USP20: variants seen among roughly 807,000 people sequenced by gnomAD.
USP20 encodes ubiquitin specific peptidase 20.
USP20 carries 80 observed loss-of-function variants against 124.2 expected under a neutral mutation model. The observed-to-expected ratio is 0.64, with a 90% CI of 0.54 to 0.78. The LOEUF is 0.78. Ranked by LOEUF, USP20 falls within the 30% of genes least tolerant of loss-of-function variation. The pLI, the probability that USP20 is intolerant of heterozygous loss-of-function variation, is 0.00. For synonymous variants in USP20, 481 were observed against 512.3 expected (o/e 0.94, Z 0.83); for missense variants, 1,043 against 1,244.4 (o/e 0.84, Z 2.44).
intron 4 of USP20, among the ~76,000 whole-genome samples, chr9:129,857,697 A>G (rs2134600): frequency 0.88 from 133,492 of 152,208 alleles, 58,932 homozygotes; most frequent in East Asian, 1. Context: ...ACAGGTCCCA[A>G]TAACTGACCC....
At position 129,865,346 on chromosome 9, in the gene USP20, T is replaced by C; in HGVS notation, c.655T>C (p.Leu219=). 2 of 1,614,212 alleles carry C rather than the reference T, an allele frequency of 1.2e-6. No individual in the cohort carries two copies. Among genetic ancestry groups the C allele is most frequent in the African/African-American group, 1.3e-5 (1 of 75,064 alleles). The change falls in exon 10 of 26, where the codon TTG becomes CTG. Residue 219 remains leucine (L), a synonymous_variant. Coordinates refer to ENST00000372429, the MANE Select transcript of USP20 (RefSeq NM_001110303.4). ...VPTSLSHGIK[L]VNPMFRGYAQ... Reference sequence around the variant, plus strand: ...CACCAGTCTGTCTCATGGGATCAAGTTGGTCAACCCAATGTTCCGAGGCTA... The same window carrying C: ...CACCAGTCTGTCTCATGGGATCAAGCTGGTCAACCCAATGTTCCGAGGCTA...
At chr9:129,868,506 G>A (rs566743611) in intron 11 of USP20, 57 bp downstream of exon 11, 46 of 1,546,636 alleles carry the variant, frequency 3.0e-5, no homozygotes, top group South Asian at 9.6e-5. Context: ...AGTACCTACC[G>A]GGTGCTGAGC....
chr9:129,870,368 C>A, intron 14 of USP20, 85 bp from the exon 15 acceptor site: 1 of 1,442,724 alleles, frequency 6.9e-7, no homozygotes, highest in South Asian at 1.2e-5. Flanking sequence ...GCGGCTCAGG[C>A]CTGACAGACC....
In USP20 at chr9:129,881,732, C is replaced by T. The variant is rs768381045; in HGVS notation, c.*1282C>T. ...CCAGAGGCCGCACGCTGCACTGTCG[C>T]GACGCAGAGAGGCTTCTGTGCAGGC... On this transcript the variant is annotated 3_prime_UTR_variant, in exon 26 of 26. Coordinates refer to ENST00000372429, the MANE Select transcript of USP20 (RefSeq NM_001110303.4). 2.0e-5 allele frequency: 3 copies of T among 152,320 alleles called. No individual in the cohort carries two copies. The highest frequency in any genetic ancestry group is 4.4e-5 in the Non-Finnish European group (3 of 68,066). The allele number at this position is 152,320 out of a possible 1,614,324, so 9.4% of individuals were successfully genotyped here.
intron 3 of USP20, among the ~76,000 whole-genome samples, chr9:129,853,082 T>C (rs769826986): frequency 3.3e-5 from 5 of 152,164 alleles, no homozygotes; most frequent in Non-Finnish European, 5.9e-5. Flanking sequence ...TTGAACAGGG[T>C]TACAAATGAA....
intron 1 of USP20, among the ~76,000 whole-genome samples, chr9:129,846,278 T>G (rs1385849781): frequency 9.9e-6 from 1 of 101,376 alleles, no homozygotes; most frequent in Non-Finnish European, 2.0e-5. Context: ...TTTTTTGAGA[T>G]AGGGTCTTAC....
chr9:129,839,590 G>T lies in USP20; in HGVS notation c.-129+4091G>T, dbSNP rs2032074604. Among the ~76,000 whole-genome samples the T allele has an allele frequency of 1.3e-5, 2 of 152,032 alleles. No homozygotes were observed. Among genetic ancestry groups the T allele is most frequent in the African/African-American group, 4.8e-5 (2 of 41,364 alleles). On this transcript the variant is annotated intron_variant, in intron 1 of 25. Transcript: ENST00000372429. This position sits in a 1 kb window ranked among gnomAD's most constrained non-coding sequence, Gnocchi z 4.5. ...GAGAAAGGGTGTGCGAGGGCCAGAG[G>T]GGACTGTGGAGGGGGTGGGCACACA... is the stretch of plus-strand genomic sequence containing the variant.
chr9:129,861,549 C>A lies in USP20; in HGVS notation c.434C>A (p.Thr145Lys). The change falls in exon 8 of 26, where the codon ACG becomes AAG. Residue 145 changes from threonine to lysine, a missense_variant. Thr to Lys is a moderately conservative substitution (Grantham distance 78). Coordinates refer to ENST00000372429, the MANE Select transcript of USP20 (RefSeq NM_001110303.4). ...EDDDLKPRGLTGMKNLGNSCY... is the reference protein window; with the variant it reads ...EDDDLKPRGLKGMKNLGNSCY... ...CGTTGTGTTTATTTCCCAGGCCTCA[C>A]GGGCATGAAGAACCTCGGGAACTCC... 2 of 1,614,128 alleles carry A rather than the reference C, an allele frequency of 1.2e-6. No homozygotes were observed. The highest frequency in any genetic ancestry group is 2.2e-5 in the South Asian group (2 of 91,084).
At chr9:129,855,362 C>T (rs1026940348) in intron 3 of USP20, among the ~76,000 whole-genome samples, 12 of 150,206 alleles carry the variant, frequency 8.0e-5, no homozygotes, top group Admixed American at 1.3e-4. Flanking sequence ...ACCCCGGAGG[C>T]GGAGTTTGCA....
At position 129,839,431 on chromosome 9, in the gene USP20, G is replaced by A. The variant is rs1292716716; in HGVS notation, c.-129+3932G>A. On this transcript the variant is annotated intron_variant, in intron 1 of 25. Coordinates refer to ENST00000372429, the MANE Select transcript of USP20 (RefSeq NM_001110303.4). The surrounding 1 kb of genome is among the most constrained non-coding windows in gnomAD (Gnocchi z 4.5). ...TGTGGAAGTGTGGAGGCATGGGGAGGCCTGAGGGCTCTGCTTCGAGAGTCA... is the reference window on the plus strand; with the variant it reads ...TGTGGAAGTGTGGAGGCATGGGGAGACCTGAGGGCTCTGCTTCGAGAGTCA... Among the ~76,000 whole-genome samples, 2 of 152,170 alleles carry A rather than the reference G, an allele frequency of 1.3e-5. No individual in the cohort carries two copies. Among genetic ancestry groups the A allele is most frequent in the East Asian group, 3.9e-4 (2 of 5,190 alleles).
intron 2 of USP20, among the ~76,000 whole-genome samples, 174 bp from the exon 3 acceptor site, chr9:129,852,366 T>C (rs756490836): frequency 2.6e-5 from 4 of 152,196 alleles, no homozygotes; most frequent in Non-Finnish European, 4.4e-5. Flanking sequence ...GCAACTGTTA[T>C]CTTCTTAGAC....
chr9:129,843,965 G>A (rs1035248255), intron 1 of USP20, among the ~76,000 whole-genome samples: 4 of 152,106 alleles, frequency 2.6e-5, no homozygotes, highest in Middle Eastern at 6.8e-3. Context: ...TACTTGGGGG[G>A]CTGAGGTAGG....
chr9:129,870,406 C>A, intron 14 of USP20, 47 bp from the exon 15 acceptor site: 2 of 1,594,822 alleles, frequency 1.3e-6, no homozygotes, highest in Non-Finnish European at 1.7e-6. Flanking sequence ...AGCTCCTGTT[C>A]TTGCCCAGGC....
Position 129,874,632 on chromosome 9 carries a change from C to G in USP20, c.1797C>G (p.Ile599Met), listed in dbSNP as rs1403792850. 6.2e-7 allele frequency: 1 copy of G among 1,613,784 alleles called. No individual in the cohort carries two copies. The highest frequency in any genetic ancestry group is 8.5e-7 in the Non-Finnish European group (1 of 1,180,030). The change falls in exon 18 of 26, where the codon ATC becomes ATG. Residue 599 changes from isoleucine (I) to methionine (M), a missense_variant. Physicochemically the swap from Ile to Met is conservative, Grantham distance 10. Coordinates refer to ENST00000372429, the MANE Select transcript of USP20 (RefSeq NM_001110303.4). ...FRHEVMYSFK[I>M]NSHVSFPLEG... ...ACGAGGTGATGTACTCATTCAAGAT[C>G]AACAGCCACGTCTCCTTCCCCCTCG... is the stretch of plus-strand genomic sequence containing the variant.
chr9:129,840,563 C>T (rs539852947), intron 1 of USP20, among the ~76,000 whole-genome samples: 2 of 152,138 alleles, frequency 1.3e-5, no homozygotes, highest in Non-Finnish European at 2.9e-5. Context: ...CCCACATACC[C>T]CTCACCTAGA....
intron 3 of USP20, among the ~76,000 whole-genome samples, chr9:129,855,574 A>G (rs2033170304): frequency 6.6e-6 from 1 of 152,162 alleles, no homozygotes; most frequent in Non-Finnish European, 1.5e-5. Flanking sequence ...CATCACATCC[A>G]CATTCCAGCC....
At position 129,870,509 on chromosome 9, in the gene USP20, A is replaced by G; in HGVS notation, c.1622A>G (p.Asp541Gly). Reference protein sequence around the residue: ...WFWGPVVTLEDCLAAFFAADE... With the variant: ...WFWGPVVTLEGCLAAFFAADE... Reference sequence around the variant, plus strand: ...TGGGGGCCTGTCGTCACCCTGGAAGACTGCCTTGCTGCCTTCTTTGCCGCT... The same window carrying G: ...TGGGGGCCTGTCGTCACCCTGGAAGGCTGCCTTGCTGCCTTCTTTGCCGCT... Residue 541 changes from aspartate to glycine, a missense_variant, in exon 15 of 26, where the codon GAC becomes GGC. Physicochemically the swap from Asp to Gly is moderately conservative, Grantham distance 94. Coordinates refer to ENST00000372429, the MANE Select transcript of USP20 (RefSeq NM_001110303.4). 1 of 1,614,100 alleles carries G rather than the reference A, an allele frequency of 6.2e-7. No homozygotes were observed. Among genetic ancestry groups the G allele is most frequent in the Non-Finnish European group, 8.5e-7 (1 of 1,180,018 alleles).
intron 3 of USP20, 124 bp downstream of exon 3, chr9:129,852,760 A>C (rs2032995650): frequency 2.0e-6 from 2 of 988,936 alleles, no homozygotes; most frequent in South Asian, 1.6e-5. Flanking sequence ...CTTTCTGTGT[A>C]AATGGAAATG....
chr9:129,876,799 A>G (rs2034430033), intron 22 of USP20, among the ~76,000 whole-genome samples: 1 of 152,144 alleles, frequency 6.6e-6, no homozygotes, highest in African/African-American at 2.4e-5. Context: ...GATGGATCCC[A>G]TTCTCAGCCT....
Sources: gnomAD v4.1 joint callset for allele counts (sites outside exome capture counted in the v4.1 genomes callset) on GRCh38, gnomAD v4.1.1 for gene constraint, Gnocchi (gnomAD v3.1) non-coding constraint, MANE v1.5 for transcripts, NCBI Gene and HGNC (gene_info 2026-07-23, HGNC 2026-07-21) for gene names.